The following STC2 variants were observed in gnomAD, a reference collection of about 807,000 sequenced individuals.
STC2 encodes stanniocalcin 2, also known as stanniocalcin-2.
STC2 carries 7 observed loss-of-function variants against 22.7 expected under a neutral mutation model. The observed-to-expected ratio is 0.31, with a 90% CI of 0.18 to 0.58. The LOEUF (loss-of-function observed/expected upper bound fraction) is 0.58. Among genes scored for constraint, STC2 ranks in the 20% least tolerant of loss-of-function variants. STC2 has a pLI of 0.89. For missense variants in STC2, 336 were observed against 406.2 expected (o/e 0.83, Z 1.48); for synonymous variants, 158 against 163.4 (o/e 0.97, Z 0.25).
In STC2 at chr5:173,328,284, C is replaced by G; in HGVS notation, c.-91G>C. The G allele has an allele frequency of 7.7e-7, 1 of 1,303,610 alleles. No homozygotes were observed. The highest frequency in any genetic ancestry group is 1.0e-6 in the Non-Finnish European group (1 of 998,354). 80.8% of individuals were successfully genotyped at this position (1,303,610 alleles called of 1,614,324 possible). ...CTCTTCCTCCTTCGCCGCTTCCCCT[C>G]CTCCTCCCACTCTTCCTTTTTGCTC... is the stretch of plus-strand genomic sequence containing the variant. On this transcript the variant is annotated 5_prime_UTR_variant, in exon 1 of 4. Transcript: ENST00000265087.
At chr5:173,319,338 G>C (rs894721539) in intron 3 of STC2, among the ~76,000 whole-genome samples, 8 of 152,230 alleles carry the variant, frequency 5.3e-5, no homozygotes, top group African/African-American at 9.6e-5. Flanking sequence ...ACCCCCCAAG[G>C]GGGGTATAGA....
At chr5:173,319,989 G>T (rs968649484) in intron 3 of STC2, among the ~76,000 whole-genome samples, 1 of 152,224 alleles carries the variant, frequency 6.6e-6, no homozygotes, top group South Asian at 2.1e-4. Flanking sequence ...AATGCTCCAC[G>T]CGTGCTTGTT....
rs1762505044 is a variant in STC2 at position 173,323,122 on chromosome 5, A to G, written c.506+97T>C. ...TGGAAGCCTTCTCCATTTGACAGGC[A>G]TTCAGCCTCTAGAAGCAACGCGGCT... On this transcript the variant is annotated intron_variant, in intron 3 of 3. Transcript: ENST00000265087. This position sits in a 1 kb window ranked among gnomAD's most constrained non-coding sequence, Gnocchi z 5.4. The G allele has an allele frequency of 5.1e-6, 6 of 1,181,606 alleles. No homozygotes were observed. Among genetic ancestry groups the G allele is most frequent in the Non-Finnish European group, 7.4e-6 (6 of 807,250 alleles). The allele number at this position is 1,181,606 out of a possible 1,614,324, so 73.2% of individuals were successfully genotyped here.
chr5:173,320,342 CCT>C (rs376149316), intron 3 of STC2, among the ~76,000 whole-genome samples: 1 of 152,140 alleles, frequency 6.6e-6, no homozygotes, highest in African/African-American at 2.4e-5. Flanking sequence ...TGCCCTTGGC[CCT>C]CTCTCTCTCC....
Position 173,328,083 on chromosome 5 carries a change from C to T in STC2, c.111G>A (p.Arg37=). ...ATNPPEGPQD[R]SSQQKGRLSL... is the part of the protein sequence containing the mutation. Reference sequence around the variant, plus strand: ...ACAGGCGGCCTTTCTGCTGGGAGCTCCTGTCTTGGGGACCCTCGGGTGGGT... The same window carrying T: ...ACAGGCGGCCTTTCTGCTGGGAGCTTCTGTCTTGGGGACCCTCGGGTGGGT... The change falls in exon 1 of 4, where the codon AGG becomes AGA. Residue 37 remains arginine (R), a synonymous_variant. Coordinates refer to ENST00000265087, the MANE Select transcript of STC2 (RefSeq NM_003714.3). The T allele has an allele frequency of 6.3e-7, 1 of 1,596,178 alleles. No individual in the cohort carries two copies. The highest frequency in any genetic ancestry group is 8.5e-7 in the Non-Finnish European group (1 of 1,171,704).
intron 3 of STC2, chr5:173,322,886 T>C: frequency 2.8e-6 from 1 of 359,078 alleles, no homozygotes; most frequent in Non-Finnish European, 5.3e-6. Context: ...AGGACACCTC[T>C]ACAGCTACTC....
Position 173,323,174 on chromosome 5 carries a change from G to A in STC2, c.506+45C>T. On this transcript the variant is annotated intron_variant, in intron 3 of 3. Coordinates refer to ENST00000265087, the MANE Select transcript of STC2 (RefSeq NM_003714.3). The surrounding 1 kb of genome is among the most constrained non-coding windows in gnomAD (Gnocchi z 5.4). ...TCCTCCCATACACATTGCCATCCTT[G>A]CTGGGTGGCCCCTTCACCCAGGCCC... 6.3e-7 allele frequency: 1 copy of A among 1,588,022 alleles called. No individual in the cohort carries two copies.
intron 1 of STC2, among the ~76,000 whole-genome samples, chr5:173,327,259 G>A (rs1762559849): frequency 6.6e-6 from 1 of 152,276 alleles, no homozygotes; most frequent in Non-Finnish European, 1.5e-5. Flanking sequence ...CCAAAGTCGG[G>A]GGAGGGGTCG....
Position 173,327,623 on chromosome 5 carries a change from G to C in STC2, c.151+420C>G, listed in dbSNP as rs1001330355. Reference sequence around the variant, plus strand: ...AAGACGCGGCACCCTTACTGAGGCCGGCAGGCCAGGAAGAGAAGTTCTCCG... The same window carrying C: ...AAGACGCGGCACCCTTACTGAGGCCCGCAGGCCAGGAAGAGAAGTTCTCCG... On this transcript the variant is annotated intron_variant, in intron 1 of 3. Coordinates refer to ENST00000265087, the MANE Select transcript of STC2 (RefSeq NM_003714.3). Among the ~76,000 whole-genome samples, 5 of 152,264 alleles carry C rather than the reference G, an allele frequency of 3.3e-5. No individual in the cohort carries two copies. The South Asian group carries it at 8.3e-4, about 25-fold the overall frequency.
In STC2 at chr5:173,328,028, G is replaced by A. The variant is rs745644287; in HGVS notation, c.151+15C>T. 9.5e-6 allele frequency: 14 copies of A among 1,474,872 alleles called. No homozygotes were observed. The highest frequency in any genetic ancestry group is 1.3e-5 in the Non-Finnish European group (14 of 1,107,556). The allele number at this position is 1,474,872 out of a possible 1,614,324, so 91.4% of individuals were successfully genotyped here. Reference sequence around the variant, plus strand: ...TCTCCCAGTAGCTCCCGGCTGCGGGGGCACATGCACTTACCTGTATTCTGC... The same window carrying A: ...TCTCCCAGTAGCTCCCGGCTGCGGGAGCACATGCACTTACCTGTATTCTGC... On this transcript the variant is annotated intron_variant, in intron 1 of 3. Coordinates refer to ENST00000265087, the MANE Select transcript of STC2 (RefSeq NM_003714.3).
chr5:173,326,074 GTCAT>G (rs1762542968), intron 1 of STC2, 64 bp from the exon 2 acceptor site: 22 of 1,545,602 alleles, frequency 1.4e-5, no homozygotes, highest in Non-Finnish European at 1.8e-5. Context: ...ATGCAGAGAG[GTCAT>G]TTGAAATAAA....
intron 1 of STC2, 141 bp from the exon 2 acceptor site, chr5:173,326,151 TA>T: frequency 3.3e-6 from 3 of 912,034 alleles, no homozygotes; most frequent in South Asian, 2.5e-5. Context: ...TTTCAGGACC[TA>T]AAAAGCCTGG....
At position 173,318,014 on chromosome 5, in the gene STC2, C is replaced by T. The variant is rs1244693225; in HGVS notation, c.742G>A (p.Glu248Lys). 6.2e-7 allele frequency: 1 copy of T among 1,612,854 alleles called. No individual in the cohort carries two copies. Among genetic ancestry groups the T allele is most frequent in the Non-Finnish European group, 8.5e-7 (1 of 1,179,744 alleles). ...CGGCCAGTCTCCCTACTGCTGGGCTCTGGGAGGTGATGTCCTGCTTCCCCG... is the reference window on the plus strand; with the variant it reads ...CGGCCAGTCTCCCTACTGCTGGGCTTTGGGAGGTGATGTCCTGCTTCCCCG... ...HHGEAGHHLP[E>K]PSSRETGRGA... The change falls in exon 4 of 4, where the codon GAG becomes AAG. Residue 248 changes from glutamate (E) to lysine (K), a missense_variant. By Grantham distance (56) the Glu-to-Lys change is moderately conservative. Transcript: ENST00000265087.
chr5:173,326,231 G>T (rs1762544544), intron 1 of STC2, among the ~76,000 whole-genome samples: 1 of 152,116 alleles, frequency 6.6e-6, no homozygotes, highest in Non-Finnish European at 1.5e-5. Context: ...GTAGAAAAGA[G>T]CCGAAAAATT....
chr5:173,324,160 G>A (rs1762519016), intron 2 of STC2: 1 of 152,610 alleles, frequency 6.6e-6, no homozygotes, highest in African/African-American at 2.4e-5. Flanking sequence ...CTGCCTCCGA[G>A]TGGCGAAGGC....
At chr5:173,324,840 G>C (rs1029230928) in intron 2 of STC2, among the ~76,000 whole-genome samples, 1 of 152,190 alleles carries the variant, frequency 6.6e-6, no homozygotes, top group African/African-American at 2.4e-5. Context: ...TTAATCCAGA[G>C]TGATGCTTTA....
rs1762449228 is a variant in STC2, at chr5:173,318,266, A to AG, written c.507-18_507-17insC. 17 of 1,235,932 alleles carry AG rather than the reference A, an allele frequency of 1.4e-5. No individual in the cohort carries two copies. The East Asian group carries it at 1.9e-4, about 13-fold the overall frequency. 76.6% of individuals were successfully genotyped at this position (1,235,932 alleles called of 1,614,324 possible). On this transcript the variant is annotated splice_polypyrimidine_tract_variant and intron_variant, in intron 3 of 3. Coordinates refer to ENST00000265087, the MANE Select transcript of STC2 (RefSeq NM_003714.3). The stretch of plus-strand genomic sequence containing the variant: ...ACGTAGGGTCTAAAGATTGAAAGCA[A>AG]AGAGAGAGAGAGAGAGAGAGAGAGA...
intron 3 of STC2, 114 bp from the exon 4 acceptor site, chr5:173,318,363 A>G: frequency 1.8e-6 from 2 of 1,116,944 alleles, no homozygotes; most frequent in South Asian, 7.1e-5. Context: ...GGAAGGAGGC[A>G]TGGCCAGTGC....
At chr5:173,319,958 T>G (rs1762465728) in intron 3 of STC2, among the ~76,000 whole-genome samples, 1 of 152,238 alleles carries the variant, frequency 6.6e-6, no homozygotes, top group African/African-American at 2.4e-5. Flanking sequence ...CAGGTGGGCA[T>G]GCAGGAGGCA....
Sources: allele counts gnomAD v4.1 joint callset (sites outside exome capture counted in the v4.1 genomes callset), GRCh38; gene constraint gnomAD v4.1.1; non-coding constraint Gnocchi (gnomAD v3.1); transcripts MANE v1.5; gene names NCBI Gene and HGNC (gene_info 2026-07-23, HGNC 2026-07-21).